Variants in HORMAD2 observed in about 807,000 individuals in gnomAD.
HORMAD2 encodes the protein HORMA domain-containing protein 2.
In HORMAD2, 45 loss-of-function variants were observed where a neutral mutation model predicts 38.8. That is an observed-to-expected ratio of 1.16 (90% CI 0.91 to 1.49). The LOEUF is 1.49. Ranked by LOEUF, HORMAD2 falls within the 40% of genes most tolerant of loss-of-function variation. The pLI is 0.00. For missense variants in HORMAD2, 338 were observed against 367.0 expected (o/e 0.92, Z 0.65); for synonymous variants, 126 against 122.8 (o/e 1.03, Z -0.17).
the HORMAD2 span, among the ~76,000 whole-genome samples, chr22:30,201,164 C>T: frequency 0.059 from 8,916 of 152,258 alleles, 294 homozygotes; most frequent in South Asian, 0.1. Flanking sequence ...CTCCTAGCTT[C>T]CAGTGGTTGC....
downstream of HORMAD2, among the ~76,000 whole-genome samples, chr22:30,179,491 A>AAAGCTTTT (rs1230398908): frequency 2.0e-5 from 3 of 152,180 alleles, no homozygotes. Context: ...TAAAAAGAAA[A>AAAGCTTTT]AAGCTTTTAT....
intron 10 of HORMAD2, among the ~76,000 whole-genome samples, chr22:30,132,167 T>C (rs1405735054): frequency 6.6e-6 from 1 of 152,222 alleles, no homozygotes; most frequent in Non-Finnish European, 1.5e-5. Flanking sequence ...CTGAAGCATA[T>C]ATGCCTTCTT....
rs376409124 is a variant in HORMAD2, at chr22:30,111,800, G to A, written c.299G>A (p.Arg100His). The A allele has an allele frequency of 2.0e-5, 32 of 1,564,424 alleles. No homozygotes were observed. Among genetic ancestry groups the A allele is most frequent in the South Asian group, 2.0e-4 (17 of 83,942 alleles). Residue 100 changes from arginine to histidine, a missense_variant, in exon 6 of 11, where the codon CGT (arginine) becomes CAT (histidine). Physicochemically the swap from Arg to His is conservative, Grantham distance 29. Transcript: ENST00000336726. Reference sequence around the variant, plus strand: ...TTTTTTTTCTTTCTCTTGAAGCTACGTATGGCAGTACTGACAGTAAGTACA... The same window carrying A: ...TTTTTTTTCTTTCTCTTGAAGCTACATATGGCAGTACTGACAGTAAGTACA... ...CFDALEKRYL[R>H]MAVLTLYTDP...
chr22:30,091,556 A>AC (rs1455017552), intron 1 of HORMAD2, among the ~76,000 whole-genome samples: 1 of 151,362 alleles, frequency 6.6e-6, no homozygotes. Flanking sequence ...ATGAGCTGCC[A>AC]CCCCGGCCTA....
the HORMAD2 span, among the ~76,000 whole-genome samples, chr22:30,202,348 T>C: frequency 3.3e-5 from 5 of 151,500 alleles, no homozygotes; most frequent in Non-Finnish European, 7.4e-5. Flanking sequence ...AGAGGCAATA[T>C]GTAAATGAAA....
At chr22:30,119,801 A>C (rs1922310486) in intron 8 of HORMAD2, among the ~76,000 whole-genome samples, 1 of 152,044 alleles carries the variant, frequency 6.6e-6, no homozygotes, top group African/African-American at 2.4e-5. Flanking sequence ...CCTAATTTTC[A>C]ATTTTCCCTA....
chr22:30,150,956 G>A (rs750571526), intron 10 of HORMAD2, among the ~76,000 whole-genome samples: 5 of 152,192 alleles, frequency 3.3e-5, no homozygotes, highest in Non-Finnish European at 7.3e-5. Context: ...CTGCAAAACT[G>A]GGGAGGGAAT....
At chr22:30,203,243 A>G in the HORMAD2 span, among the ~76,000 whole-genome samples, 1 of 152,090 alleles carries the variant, frequency 6.6e-6, no homozygotes, top group East Asian at 1.9e-4. Flanking sequence ...AAATATACAA[A>G]AATTAGCTGG....
intron 10 of HORMAD2, chr22:30,137,086 C>T (rs932788195): frequency 1.7e-5 from 6 of 359,282 alleles, no homozygotes; most frequent in Non-Finnish European, 2.6e-5. Flanking sequence ...ATAGTCTTGA[C>T]ATCAATGTGA....
At chr22:30,173,099 G>A (rs561583028) in intron 10 of HORMAD2, among the ~76,000 whole-genome samples, 1 of 152,206 alleles carries the variant, frequency 6.6e-6, no homozygotes, top group Non-Finnish European at 1.5e-5. Flanking sequence ...GTGGGAGTGG[G>A]CATTGAAGGT....
the HORMAD2 span, among the ~76,000 whole-genome samples, chr22:30,182,324 A>T: frequency 6.6e-6 from 1 of 152,168 alleles, no homozygotes; most frequent in East Asian, 1.9e-4. Context: ...TGTTCAATAA[A>T]CATTAGTTAT....
intron 1 of HORMAD2, among the ~76,000 whole-genome samples, chr22:30,089,597 C>T (rs763672748): frequency 2.6e-5 from 4 of 152,116 alleles, no homozygotes; most frequent in South Asian, 2.1e-4. Context: ...GTGATCCACC[C>T]GCCTTGGCCT....
intron 5 of HORMAD2, among the ~76,000 whole-genome samples, chr22:30,106,990 A>G (rs1460663989): frequency 1.3e-5 from 2 of 152,258 alleles, no homozygotes; most frequent in Non-Finnish European, 2.9e-5. Flanking sequence ...TCTAGGGACC[A>G]TAATTTGAAA....
chr22:30,173,341 C>T (rs1050363936), intron 10 of HORMAD2, among the ~76,000 whole-genome samples: 2 of 152,142 alleles, frequency 1.3e-5, no homozygotes, highest in Non-Finnish European at 2.9e-5. Flanking sequence ...GTCATAGTGG[C>T]AGTAGGGACC....
chr22:30,097,247 G>A (rs1339368267), intron 2 of HORMAD2, among the ~76,000 whole-genome samples: 1 of 152,090 alleles, frequency 6.6e-6, no homozygotes, highest in East Asian at 1.9e-4. Context: ...TGAGATACCG[G>A]CACAACCCAT....
chr22:30,112,127 A>G (rs1168235669), intron 6 of HORMAD2, among the ~76,000 whole-genome samples: 1 of 152,054 alleles, frequency 6.6e-6, no homozygotes, highest in Non-Finnish European at 1.5e-5. Context: ...ACTCTTTTGA[A>G]ATTTTGTATA....
intron 2 of HORMAD2, among the ~76,000 whole-genome samples, chr22:30,094,989 A>C (rs540219573): frequency 6.6e-6 from 1 of 152,186 alleles, no homozygotes; most frequent in East Asian, 1.9e-4. Flanking sequence ...ATCTGTTTAT[A>C]CCTTCCATCT....
chr22:30,136,795 A>G (rs6006375), intron 10 of HORMAD2: 34 of 225,466 alleles, frequency 1.5e-4, no homozygotes, highest in African/African-American at 7.4e-4. Flanking sequence ...AGTTTTCCCA[A>G]TTCAAACTTG....
Position 30,103,427 on chromosome 22 carries a change from G to C in HORMAD2, c.194-10G>C. On this transcript the variant is annotated splice_polypyrimidine_tract_variant and intron_variant, in intron 3 of 10. Transcript: ENST00000336726. ...GTAGATAAAAATAGACTGTGTTTCT[G>C]TTTTTGTAGACCTCAGTTTAAAAAT... The C allele has an allele frequency of 2.0e-6, 3 of 1,507,422 alleles. No individual in the cohort carries two copies. Among genetic ancestry groups the C allele is most frequent in the South Asian group, 1.2e-5 (1 of 83,094 alleles). The allele number at this position is 1,507,422 out of a possible 1,614,324, so 93.4% of individuals were successfully genotyped here. A position where few individuals can be genotyped will look rare whatever the true frequency, so the allele number is the denominator to read the frequency against.
Sources: gnomAD v4.1 joint callset for allele counts (sites outside exome capture counted in the v4.1 genomes callset) on GRCh38, gnomAD v4.1.1 for gene constraint, MANE v1.5 for transcripts, NCBI Gene and HGNC (gene_info 2026-07-23, HGNC 2026-07-21) for gene names.